FBRSL1: variants seen among roughly 807,000 people sequenced by gnomAD.
FBRSL1 encodes the protein fibrosin-1-like protein.
In FBRSL1, 51 loss-of-function variants were observed where a neutral mutation model predicts 89.6. That is an observed-to-expected ratio of 0.57 (90% CI 0.45 to 0.72). The LOEUF is 0.72. FBRSL1 is among the 30% of genes least tolerant of loss of function. The pLI is 0.00. For missense variants in FBRSL1, 1,618 were observed against 1,451.8 expected (o/e 1.11, Z -1.86); for synonymous variants, 779 against 681.1 (o/e 1.14, Z -2.24).
intron 1 of FBRSL1, among the ~76,000 whole-genome samples, chr12:132,498,194 T>G (rs930770808): frequency 6.6e-6 from 1 of 152,120 alleles, no homozygotes; most frequent in Non-Finnish European, 1.5e-5. Flanking sequence ...ACGTGCCCCC[T>G]GTGTGGGTGT....
chr12:132,562,925 CTGG>C (rs1277039756), intron 5 of FBRSL1, among the ~76,000 whole-genome samples: 1 of 152,074 alleles, frequency 6.6e-6, no homozygotes, highest in African/African-American at 2.4e-5. Context: ...TGCGATCTGT[CTGG>C]AATTATTTTC....
At chr12:132,492,755 G>A (rs898374760) in intron 1 of FBRSL1, among the ~76,000 whole-genome samples, 3 of 152,216 alleles carry the variant, frequency 2.0e-5, no homozygotes, top group Admixed American at 6.5e-5. Flanking sequence ...GCTGCGTGGC[G>A]TTAACACAGC....
At chr12:132,556,410 C>T (rs938744022) in intron 5 of FBRSL1, among the ~76,000 whole-genome samples, 1 of 152,192 alleles carries the variant, frequency 6.6e-6, no homozygotes, top group Non-Finnish European at 1.5e-5. Flanking sequence ...GGCCCTACCC[C>T]CCACGCCACG....
At chr12:132,502,446 G>A (rs2033104683) in intron 1 of FBRSL1, among the ~76,000 whole-genome samples, 1 of 152,204 alleles carries the variant, frequency 6.6e-6, no homozygotes, top group South Asian at 2.1e-4. Flanking sequence ...TGTGATCCGT[G>A]GTCTTCCAGT....
chr12:132,543,065 TG>T (rs2037400678), intron 4 of FBRSL1, among the ~76,000 whole-genome samples: 1 of 151,876 alleles, frequency 6.6e-6, no homozygotes, highest in Non-Finnish European at 1.5e-5. Context: ...TGCCTGGCTG[TG>T]GGGTGGGCTC....
intron 11 of FBRSL1, 123 bp downstream of exon 11, chr12:132,572,745 G>A (rs374673785): frequency 6.9e-6 from 5 of 725,774 alleles, no homozygotes; most frequent in African/African-American, 5.3e-5. Context: ...TGTACCTGTC[G>A]TCATCTGGGT....
At chr12:132,578,343 T>TCACACACACACACACACACATACA (rs1555290111) in intron 15 of FBRSL1, among the ~76,000 whole-genome samples, 71 of 141,110 alleles carry the variant, frequency 5.0e-4, no homozygotes, top group South Asian at 7.2e-4. Flanking sequence ...AGACCCTGTC[T>TCACACACACACACACACACATACA]CACACACACA....
In FBRSL1 at chr12:132,528,928, G is replaced by A. The variant is rs1350174037; in HGVS notation, c.615+940G>A. 9.8e-5 allele frequency among the ~76,000 whole-genome samples: 15 copies of A among 152,288 alleles called. No individual in the cohort carries two copies. In the East Asian group the frequency reaches 2.1e-3, roughly 22 times the overall value. The stretch of plus-strand genomic sequence containing the variant: ...CTGTGGGAATGGCCTGGGAGGCTGG[G>A]CGCCGACCCCTGCCCCCCGGACCTG... On this transcript the variant is annotated intron_variant, in intron 4 of 18. Transcript: ENST00000680143.
chr12:132,512,917 A>G (rs1269646471), intron 2 of FBRSL1, among the ~76,000 whole-genome samples: 1 of 152,208 alleles, frequency 6.6e-6, no homozygotes, highest in Non-Finnish European at 1.5e-5. Flanking sequence ...TGCAGCCTCC[A>G]GCTCGAACCC....
intron 2 of FBRSL1, among the ~76,000 whole-genome samples, chr12:132,522,049 G>A (rs564573837): frequency 6.6e-6 from 1 of 152,084 alleles, no homozygotes; most frequent in African/African-American, 2.4e-5. Context: ...CCCTCAGCCT[G>A]CCGGCGCCTG....
At chr12:132,491,928 C>T (rs1230045581) in intron 1 of FBRSL1, among the ~76,000 whole-genome samples, 1 of 152,184 alleles carries the variant, frequency 6.6e-6, no homozygotes, top group African/African-American at 2.4e-5. Context: ...GGGCCCAGGA[C>T]GGGGTGGGTG....
chr12:132,569,687 C>T (rs2039873726), intron 6 of FBRSL1, among the ~76,000 whole-genome samples: 2 of 152,192 alleles, frequency 1.3e-5, no homozygotes. Context: ...GCTACCCACC[C>T]CCACCCCTGG....
In FBRSL1 at chr12:132,510,149, G is replaced by A. The variant is rs555389753; in HGVS notation, c.489+1799G>A. The A allele has an allele frequency of 1.7e-4, 203 of 1,225,532 alleles. 1 individual carries two copies. The African/African-American group carries it at 2.8e-3, about 17-fold the overall frequency. 75.9% of individuals were successfully genotyped at this position (1,225,532 alleles called of 1,614,324 possible). ...CCAAGCGGCCGCTCATGGGCCCAGA[G>A]CAGCCCTGCCAGCCCCTGCGGCCGC... is the stretch of plus-strand genomic sequence containing the variant. On this transcript the variant is annotated intron_variant, in intron 2 of 18. Transcript: ENST00000680143.
In FBRSL1 at chr12:132,574,336, G is replaced by T; in HGVS notation, c.1617G>T (p.Arg539=). 2 of 1,549,318 alleles carry T rather than the reference G, an allele frequency of 1.3e-6. No individual in the cohort carries two copies. Among genetic ancestry groups the T allele is most frequent in the Non-Finnish European group, 1.7e-6 (2 of 1,146,370 alleles). ...QKAPGVSDPY[R]AVVKKPGRWC... is the part of the protein sequence containing the mutation. The stretch of plus-strand genomic sequence containing the variant: ...CTCCACAGGTGTCTGACCCGTACCG[G>T]GCGGTGGTCAAGGTGAGCACGTGTT... The change falls in exon 13 of 19, where the codon CGG becomes CGT. Residue 539 remains arginine, a synonymous_variant. Transcript: ENST00000680143.
rs550396624 is a variant in FBRSL1, at chr12:132,526,071, G to A, written c.579+248G>A. Among the ~76,000 whole-genome samples, 17 of 152,400 alleles carry A rather than the reference G, an allele frequency of 1.1e-4. No homozygotes were observed. In the South Asian group the frequency reaches 1.9e-3, roughly 17 times the overall value. On this transcript the variant is annotated intron_variant, in intron 3 of 18. Coordinates refer to ENST00000680143, the MANE Select transcript of FBRSL1 (RefSeq NM_001367871.1). Reference sequence around the variant, plus strand: ...ATGAGCATTTTGCCTTCGTTAAAGCGTGATTTTTTACTCATTAGGACTTTC... The same window carrying A: ...ATGAGCATTTTGCCTTCGTTAAAGCATGATTTTTTACTCATTAGGACTTTC...
intron 4 of FBRSL1, among the ~76,000 whole-genome samples, chr12:132,538,517 G>GT (rs2036949477): frequency 1.3e-5 from 2 of 152,222 alleles, no homozygotes; most frequent in African/African-American, 2.4e-5. Flanking sequence ...TTCCCTGGCA[G>GT]TGATGGCCAC....
At chr12:132,581,291 C>G (rs1252525397) in intron 15 of FBRSL1, 148 bp from the exon 16 acceptor site, 1 of 1,501,788 alleles carries the variant, frequency 6.7e-7, no homozygotes, top group African/African-American at 1.4e-5. Flanking sequence ...CTTACTCTGA[C>G]TGGACACGCT....
intron 5 of FBRSL1, chr12:132,566,447 A>T (rs2039626556): frequency 1.5e-5 from 2 of 130,546 alleles, no homozygotes; most frequent in Non-Finnish European, 3.2e-5. Context: ...TAGGAGGGAA[A>T]TATCTATTTA....
intron 2 of FBRSL1, among the ~76,000 whole-genome samples, chr12:132,516,522 T>C (rs2034858208): frequency 6.6e-6 from 1 of 152,196 alleles, no homozygotes; most frequent in South Asian, 2.1e-4. Context: ...AGATGGAGTT[T>C]CTGGATGTCC....
Sources: gnomAD v4.1 joint callset for allele counts (sites outside exome capture counted in the v4.1 genomes callset) on GRCh38, gnomAD v4.1.1 for gene constraint, MANE v1.5 for transcripts, NCBI Gene and HGNC (gene_info 2026-07-23, HGNC 2026-07-21) for gene names.